ZNF254: variants seen among roughly 807,000 people sequenced by gnomAD.
The protein encoded by ZNF254 is zinc finger protein 254.
Under a neutral mutation model 12.4 loss-of-function variants are expected in ZNF254, and 10 were observed. The ratio of observed to expected loss-of-function variants is 0.80; its 90% CI spans 0.50 to 1.36. ZNF254 has a LOEUF of 1.36. Among genes scored for constraint, ZNF254 ranks in the 40% most tolerant of loss-of-function variants. ZNF254 has a pLI of 0.00. For missense variants in ZNF254, 996 were observed against 763.9 expected, an observed-to-expected ratio of 1.30 and a Z score of -3.58; for synonymous variants, 305 against 253.4, an observed-to-expected ratio of 1.20 and a Z score of -1.93.
intron 2 of ZNF254, among the ~76,000 whole-genome samples, chr19:24,074,250 C>T (rs938747458): frequency 2.0e-5 from 3 of 152,202 alleles, no homozygotes; most frequent in African/African-American, 7.2e-5. Context: ...GGTCCCTGCA[C>T]ACATAAATAA....
chr19:24,089,662 G>A (rs771442888), intron 1 of ZNF254, among the ~76,000 whole-genome samples: 11 of 151,974 alleles, frequency 7.2e-5, no homozygotes, highest in Admixed American at 2.0e-4. Context: ...TCCCAAGTGC[G>A]CAGGTGGATG....
At chr19:24,034,261 C>T (rs370209536) in intron 1 of ZNF254, among the ~76,000 whole-genome samples, 2 of 149,078 alleles carry the variant, frequency 1.3e-5, no homozygotes, top group East Asian at 3.9e-4. Flanking sequence ...TTAGTTCTGC[C>T]GGCGGAGCCT....
intron 1 of ZNF254, among the ~76,000 whole-genome samples, chr19:24,038,197 G>A (rs1970035744): frequency 6.6e-6 from 1 of 152,150 alleles, no homozygotes; most frequent in Non-Finnish European, 1.5e-5. Context: ...AAAGAAAATA[G>A]AACTTTATTC....
chr19:24,084,608 T>C (rs2145603527), upstream of ZNF254, among the ~76,000 whole-genome samples: 1 of 152,256 alleles, frequency 6.6e-6, no homozygotes, highest in Admixed American at 6.5e-5. Flanking sequence ...AGTTTAACTT[T>C]CTATGCTTTG....
In ZNF254 at chr19:24,079,935, G is replaced by A. The variant is rs118041058; in HGVS notation, c.-93-26005G>A. 32 of 152,286 alleles carry A rather than the reference G, an allele frequency of 2.1e-4. No homozygotes were observed. In the East Asian group the frequency reaches 5.8e-3, roughly 28 times the overall value. The allele number at this position is 152,286 out of a possible 1,614,324, so 9.4% of individuals were successfully genotyped here. On this transcript the variant is annotated intron_variant, in intron 2 of 4. Transcript: ENST00000613065. ...TAAGCAACTTTCTCAGGGCAAAGAT[G>A]ACAATCCAGCTTTGTTTTAATAGTG...
intron 2 of ZNF254, among the ~76,000 whole-genome samples, chr19:24,067,314 A>G (rs1348140558): frequency 6.6e-6 from 1 of 151,536 alleles, no homozygotes; most frequent in African/African-American, 2.4e-5. Context: ...GGCCCAGCAC[A>G]CAGGGGATGT....
chr19:24,089,273 G>C (rs1322670609), intron 1 of ZNF254, among the ~76,000 whole-genome samples: 5 of 152,142 alleles, frequency 3.3e-5, no homozygotes, highest in African/African-American at 1.2e-4. Context: ...ACTGCACCCG[G>C]CCAATTAATC....
intron 2 of ZNF254, chr19:24,046,341 T>C (rs1014443825): frequency 2.1e-5 from 3 of 143,238 alleles, no homozygotes; most frequent in African/African-American, 7.8e-5. Flanking sequence ...ATAAGCCAGA[T>C]TTTCTTTTGT....
chr19:24,093,320 G>T (rs530534732), intron 1 of ZNF254, among the ~76,000 whole-genome samples: 131 of 151,924 alleles, frequency 8.6e-4, no homozygotes, highest in African/African-American at 2.9e-3. Flanking sequence ...TCAATTTTTG[G>T]TTTTTTTGCA....
At chr19:24,115,208 A>G (rs1271163085) in intron 3 of ZNF254, among the ~76,000 whole-genome samples, 3 of 152,138 alleles carry the variant, frequency 2.0e-5, no homozygotes, top group South Asian at 4.1e-4. Context: ...TCATGCTGCT[A>G]TAAAGACACA....
At chr19:24,091,890 T>A (rs1972406434) in intron 1 of ZNF254, 1 of 973,366 alleles carries the variant, frequency 1.0e-6, no homozygotes, top group African/African-American at 1.8e-5. Context: ...AATTTTTTTT[T>A]TTTTTTTGAG....
chr19:24,084,804 T>G (rs1353264551), upstream of ZNF254, among the ~76,000 whole-genome samples: 2 of 152,098 alleles, frequency 1.3e-5, no homozygotes, highest in Non-Finnish European at 2.9e-5. Context: ...ACTTTTGTAT[T>G]TTTTTAGATA....
rs2146024787 is a variant in ZNF254 at position 24,127,102 on chromosome 19, CATAAG to C, written c.1107_1111del (p.Lys369AsnfsTer18). Reference sequence around the variant, plus strand: ...TAGCCAGTCCTCAACCCTTACTACACATAAGATAATTCATACTGGAGAGAAACGCT... The same window carrying C: ...TAGCCAGTCCTCAACCCTTACTACACATAATTCATACTGGAGAGAAACGCT... On this transcript the variant is annotated frameshift_variant, in exon 4 of 4. Transcript: ENST00000357002. LOFTEE classifies it low-confidence loss of function (END_TRUNC). The C allele has an allele frequency of 6.2e-7, 1 of 1,613,386 alleles. No individual in the cohort carries two copies. The highest frequency in any genetic ancestry group is 1.3e-5 in the African/African-American group (1 of 74,916).
chr19:24,077,608 ACT>A (rs1971704287), intron 2 of ZNF254, among the ~76,000 whole-genome samples: 1 of 152,202 alleles, frequency 6.6e-6, no homozygotes, highest in African/African-American at 2.4e-5. Context: ...CTATCTTATA[ACT>A]GTTGAAAGTT....
At chr19:24,102,564 C>T (rs1332810348) in intron 1 of ZNF254, among the ~76,000 whole-genome samples, 1 of 152,098 alleles carries the variant, frequency 6.6e-6, no homozygotes, top group Admixed American at 6.5e-5. Flanking sequence ...TTTTGCCTCA[C>T]AGAACTAACT....
At position 24,106,561 on chromosome 19, in the gene ZNF254, T is replaced by C. The variant is rs781588006; in HGVS notation, c.171T>C (p.Ser57=). 1.3e-5 allele frequency: 21 copies of C among 1,581,480 alleles called. No homozygotes were observed. The African/African-American group carries it at 2.8e-4, about 21-fold the overall frequency. The stretch of plus-strand genomic sequence containing the variant: ...TTAATAAAACAGGTATTGCTGTCTC[T>C]AAGCCAGACCTGATCACCTGTCTGG... ...RNLAFLGIAV[S]KPDLITCLEQ... Residue 57 remains serine (S), a synonymous_variant, in exon 3 of 4, where the codon TCT becomes TCC. Coordinates refer to ENST00000357002, the MANE Select transcript of ZNF254 (RefSeq NM_203282.4).
intron 2 of ZNF254, among the ~76,000 whole-genome samples, chr19:24,046,938 C>T (rs1970414641): frequency 6.6e-6 from 1 of 150,446 alleles, no homozygotes; most frequent in Admixed American, 6.6e-5. Context: ...AATCTTGGCT[C>T]ACTGCAACCT....
chr19:24,128,303 A>C lies in ZNF254; in HGVS notation c.*323A>C, dbSNP rs917603914. Reference sequence around the variant, plus strand: ...GAGAAGAAATGTACAAATATTGGCAAAGTAAAAAATCCATTAACACCTGCT... The same window carrying C: ...GAGAAGAAATGTACAAATATTGGCACAGTAAAAAATCCATTAACACCTGCT... On this transcript the variant is annotated 3_prime_UTR_variant, in exon 4 of 4. Transcript: ENST00000357002. 24 of 239,234 alleles carry C rather than the reference A, an allele frequency of 1.0e-4. No individual in the cohort carries two copies. The South Asian group carries it at 3.7e-3, about 37-fold the overall frequency. 14.8% of individuals were successfully genotyped at this position (239,234 alleles called of 1,614,324 possible).
intron 1 of ZNF254, among the ~76,000 whole-genome samples, chr19:24,091,188 G>C (rs1007630541): frequency 3.3e-5 from 5 of 151,470 alleles, no homozygotes; most frequent in Admixed American, 6.6e-5. Flanking sequence ...CGGGTGATCC[G>C]CCCGCCTGGG....
Sources: allele counts gnomAD v4.1 joint callset (sites outside exome capture counted in the v4.1 genomes callset), GRCh38; gene constraint gnomAD v4.1.1; transcripts MANE v1.5; gene names NCBI Gene and HGNC (gene_info 2026-07-23, HGNC 2026-07-21).